Variants in NRXN1 observed in about 807,000 individuals in gnomAD.
NRXN1 encodes the protein neurexin-1.
A neutral mutation model predicts 150.9 loss-of-function variants in NRXN1; 39 were observed. The observed-to-expected ratio is 0.26, with a 90% CI of 0.20 to 0.34. The LOEUF (loss-of-function observed/expected upper bound fraction) is 0.34. Among genes scored for constraint, NRXN1 ranks in the 10% least tolerant of loss-of-function variants. The pLI is 1.00. For missense variants in NRXN1, 1,815 were observed against 1,949.9 expected (o/e 0.93, Z 1.30); for synonymous variants, 924 against 757.0 (o/e 1.22, Z -3.62).
At chr2:50,098,550 C>T (rs1488077402) in intron 18 of NRXN1, among the ~76,000 whole-genome samples, 2 of 152,056 alleles carry the variant, frequency 1.3e-5, no homozygotes, top group Non-Finnish European at 2.9e-5. Context: ...TCACTATGTG[C>T]CAGGTATTGA....
chr2:50,069,846 G>GTTT (rs1467398706), intron 19 of NRXN1, among the ~76,000 whole-genome samples: 24 of 66,296 alleles, frequency 3.6e-4, no homozygotes, highest in South Asian at 2.3e-3. Flanking sequence ...AGATTTTGGG[G>GTTT]GTTTTTTTTT....
intron 19 of NRXN1, among the ~76,000 whole-genome samples, chr2:50,079,091 T>A (rs6545151): frequency 0.32 from 48,742 of 151,682 alleles, 8,634 homozygotes; most frequent in African/African-American, 0.44. Context: ...CTGTATATCT[T>A]TCTTTCTATC....
chr2:49,950,446 G>T (rs1471559714), intron 21 of NRXN1, among the ~76,000 whole-genome samples: 5 of 151,830 alleles, frequency 3.3e-5, no homozygotes, highest in African/African-American at 1.2e-4. Flanking sequence ...AGACAGTGAG[G>T]CCCAATTACT....
intron 18 of NRXN1, among the ~76,000 whole-genome samples, chr2:50,143,037 T>A (rs1454172068): frequency 6.6e-6 from 1 of 151,920 alleles, no homozygotes; most frequent in African/African-American, 2.4e-5. Flanking sequence ...TTTATGAGCC[T>A]GTTTGGTTAA....
At chr2:50,329,775 A>G (rs1039487458) in intron 17 of NRXN1, among the ~76,000 whole-genome samples, 3 of 148,008 alleles carry the variant, frequency 2.0e-5, no homozygotes, top group African/African-American at 7.5e-5. Context: ...CCAGGTTCGA[A>G]TGATTCTCCA....
chr2:50,289,178 A>G (rs111260102), intron 17 of NRXN1, among the ~76,000 whole-genome samples: 2,792 of 152,246 alleles, frequency 0.018, 39 homozygotes, highest in Non-Finnish European at 0.029. Flanking sequence ...AAAGAATATA[A>G]TTATATATGG....
intron 21 of NRXN1, among the ~76,000 whole-genome samples, chr2:49,999,304 T>C (rs1417498435): frequency 6.6e-6 from 1 of 152,152 alleles, no homozygotes; most frequent in Admixed American, 6.5e-5. Flanking sequence ...AAAATGACTT[T>C]CCTTATCTTT....
intron 17 of NRXN1, among the ~76,000 whole-genome samples, chr2:50,302,152 G>C (rs1480876231): frequency 1.3e-5 from 2 of 152,102 alleles, no homozygotes; most frequent in African/African-American, 4.8e-5. Flanking sequence ...TTGAAACTAA[G>C]TTTTGTGGCA....
In NRXN1 at chr2:50,346,572, A is replaced by G; in HGVS notation, c.3365-109602T>C. ...AGTGGCTCGCACCAAGCACACCCAA[A>G]TGCACCTCCCTTTTGTCGAGCTCCC... is the stretch of plus-strand genomic sequence containing the variant. On this transcript the variant is annotated intron_variant, in intron 17 of 22. Coordinates refer to ENST00000401669, the MANE Select transcript of NRXN1 (RefSeq NM_001330078.2). This position sits in a 1 kb window ranked among gnomAD's most constrained non-coding sequence, Gnocchi z 5.0. The G allele has an allele frequency of 9.2e-7, 1 of 1,089,952 alleles. No homozygotes were observed. Among genetic ancestry groups the G allele is most frequent in the Non-Finnish European group, 1.4e-6 (1 of 728,864 alleles). The allele number at this position is 1,089,952 out of a possible 1,614,324, so 67.5% of individuals were successfully genotyped here. A position where few individuals can be genotyped will look rare whatever the true frequency, so the allele number is the denominator to read the frequency against.
At chr2:50,092,700 T>G (rs182369716) in intron 18 of NRXN1, among the ~76,000 whole-genome samples, 3 of 152,340 alleles carry the variant, frequency 2.0e-5, no homozygotes, top group Admixed American at 2.0e-4. Context: ...AAAATCTTTT[T>G]CAAAATTGTA....
intron 5 of NRXN1, among the ~76,000 whole-genome samples, chr2:50,658,439 T>TGTGTGTGTGTGTGTGTGTGTGTGTGTG (rs1553935244): frequency 2.0e-5 from 3 of 151,606 alleles, no homozygotes; most frequent in South Asian, 2.1e-4. Flanking sequence ...TGTGTGTGTG[T>TGTGTGTGTGTGTGTGTGTGTGTGTGTG]TTGAGGCAGG....
chr2:50,391,804 G>C (rs1225937862), intron 17 of NRXN1, among the ~76,000 whole-genome samples: 1 of 152,112 alleles, frequency 6.6e-6, no homozygotes, highest in Non-Finnish European at 1.5e-5. Context: ...AGGGATGAAT[G>C]AGAAACAATT....
rs142525327 is a variant in NRXN1, at chr2:50,965,340, G to C, written c.773-39385C>G. Among the ~76,000 whole-genome samples, 196 of 150,680 alleles carry C rather than the reference G, an allele frequency of 1.3e-3. 1 individual carries two copies. The highest frequency in any genetic ancestry group is 4.5e-3 in the African/African-American group (185 of 41,284). ...GGGAGTATTAGCTCATTAATATTTA[G>C]AAAAATAACAGATTGTCATAAAGTA... On this transcript the variant is annotated intron_variant, in intron 2 of 22. Transcript: ENST00000401669.
At chr2:50,040,300 A>G (rs966234144) in intron 21 of NRXN1, among the ~76,000 whole-genome samples, 1 of 151,496 alleles carries the variant, frequency 6.6e-6, no homozygotes, top group African/African-American at 2.4e-5. Flanking sequence ...ATGCAACTAT[A>G]TTACTTAAAG....
chr2:50,712,668 A>T (rs921783061), intron 5 of NRXN1, among the ~76,000 whole-genome samples: 4 of 152,128 alleles, frequency 2.6e-5, no homozygotes, highest in African/African-American at 9.7e-5. Context: ...TTTGCTCCTA[A>T]TTCAGAAGCA....
intron 21 of NRXN1, among the ~76,000 whole-genome samples, chr2:50,032,945 C>CAT (rs1010225709): frequency 2.7e-5 from 4 of 149,776 alleles, no homozygotes; most frequent in Non-Finnish European, 4.5e-5. Context: ...ATAATACACA[C>CAT]ATACACACAC....
At chr2:50,435,386 A>G (rs777724448) in intron 17 of NRXN1, among the ~76,000 whole-genome samples, 2 of 152,242 alleles carry the variant, frequency 1.3e-5, no homozygotes, top group Non-Finnish European at 2.9e-5. Context: ...GAAAGATGAC[A>G]TATTTGAATT....
chr2:50,725,787 TAAG>T (rs1443991474), intron 5 of NRXN1, among the ~76,000 whole-genome samples: 1 of 152,146 alleles, frequency 6.6e-6, no homozygotes, highest in African/African-American at 2.4e-5. Flanking sequence ...AAAACAGACT[TAAG>T]AACAGAATAC....
rs555939600 is a variant in NRXN1, at chr2:50,324,508, G to A, written c.3365-87538C>T. Among the ~76,000 whole-genome samples the A allele has an allele frequency of 3.9e-5, 6 of 152,328 alleles. No homozygotes were observed. In the South Asian group the frequency reaches 1.2e-3, roughly 32 times the overall value. ...AGTGTGTTCACTTTGCCATATACATGTGTAAAGTGTGTAAGTCTTTTATTT... is the reference window on the plus strand; with the variant it reads ...AGTGTGTTCACTTTGCCATATACATATGTAAAGTGTGTAAGTCTTTTATTT... On this transcript the variant is annotated intron_variant, in intron 17 of 22. Transcript: ENST00000401669.
Sources: allele counts gnomAD v4.1 joint callset (sites outside exome capture counted in the v4.1 genomes callset), GRCh38; gene constraint gnomAD v4.1.1; non-coding constraint Gnocchi (gnomAD v3.1); transcripts MANE v1.5; gene names NCBI Gene and HGNC (gene_info 2026-07-23, HGNC 2026-07-21).